The following SQOR variants were observed in gnomAD, a reference collection of about 807,000 sequenced individuals.
SQOR encodes sulfide quinone oxidoreductase.
In SQOR, 39 loss-of-function variants were observed where a neutral mutation model predicts 48.6. The observed-to-expected ratio is 0.80, with a 90% CI of 0.62 to 1.05. The LOEUF is 1.05. SQOR is among the 50% of genes least tolerant of loss of function. The pLI is 0.00. For missense variants in SQOR, 561 were observed against 559.9 expected, an observed-to-expected ratio of 1.00 and a Z score of -0.02; for synonymous variants, 220 against 206.2, an observed-to-expected ratio of 1.07 and a Z score of -0.57.
At chr15:45,662,389 T>C (rs1401146765) in intron 3 of SQOR, among the ~76,000 whole-genome samples, 1 of 152,198 alleles carries the variant, frequency 6.6e-6, no homozygotes, top group Non-Finnish European at 1.5e-5. Flanking sequence ...TAGTATACTA[T>C]CTTGCACCTG....
At chr15:45,661,882 C>T in intron 2 of SQOR, 73 bp from the exon 3 acceptor site, 1 of 1,453,262 alleles carries the variant, frequency 6.9e-7, no homozygotes, top group South Asian at 1.3e-5. Flanking sequence ...AAGAATCTAG[C>T]CCATACTGTT....
chr15:45,666,191 A>T (rs1326884595), intron 3 of SQOR, among the ~76,000 whole-genome samples: 1 of 152,252 alleles, frequency 6.6e-6, no homozygotes, highest in African/African-American at 2.4e-5. Context: ...ACTGCTACTC[A>T]TCTTTAGCTT....
At chr15:45,669,398 A>C (rs1889897793) in intron 3 of SQOR, among the ~76,000 whole-genome samples, 1 of 152,188 alleles carries the variant, frequency 6.6e-6, no homozygotes, top group South Asian at 2.1e-4. Flanking sequence ...TCCTGAGCTC[A>C]AGTGATCCAC....
intron 1 of SQOR, among the ~76,000 whole-genome samples, chr15:45,646,806 A>G (rs1451923655): frequency 6.6e-6 from 1 of 151,768 alleles, no homozygotes; most frequent in Non-Finnish European, 1.5e-5. Context: ...TTTCATCTAC[A>G]CCCCTACCCA....
At chr15:45,655,348 GA>G (rs1889581465) in intron 1 of SQOR, among the ~76,000 whole-genome samples, 1 of 152,118 alleles carries the variant, frequency 6.6e-6, no homozygotes, top group Non-Finnish European at 1.5e-5. Context: ...TTCTTTTCTG[GA>G]AAGTGAGAAG....
intron 6 of SQOR, 89 bp from the exon 7 acceptor site, chr15:45,682,389 G>A (rs1890138809): frequency 7.3e-7 from 1 of 1,379,198 alleles, no homozygotes; most frequent in Non-Finnish European, 1.0e-6. Context: ...CCATAGCACA[G>A]TGTATAGAGT....
chr15:45,669,681 G>A (rs142279866), intron 3 of SQOR, among the ~76,000 whole-genome samples: 2 of 152,282 alleles, frequency 1.3e-5, no homozygotes, highest in African/African-American at 4.8e-5. Context: ...GGCATGATGG[G>A]AGTGGACACG....
At chr15:45,688,259 A>G (rs1227448183) in intron 7 of SQOR, 78 bp from the exon 8 acceptor site, 1 of 1,015,174 alleles carries the variant, frequency 9.9e-7, no homozygotes, top group South Asian at 1.4e-5. Context: ...TCTTGTTTAC[A>G]TTAAAGTTAT....
At chr15:45,676,973 G>A (rs146835642) in intron 6 of SQOR, among the ~76,000 whole-genome samples, 3,498 of 151,868 alleles carry the variant, frequency 0.023, 60 homozygotes, top group Non-Finnish European at 0.034. Context: ...CCCAGAAGGC[G>A]GAGGCTGCAG....
At chr15:45,659,516 T>C (rs1595576541) in intron 2 of SQOR, among the ~76,000 whole-genome samples, 1 of 152,176 alleles carries the variant, frequency 6.6e-6, no homozygotes, top group South Asian at 2.1e-4. Context: ...ATGCTCCCTC[T>C]GCAGCCTGGG....
chr15:45,667,881 C>A (rs942823241), intron 3 of SQOR, among the ~76,000 whole-genome samples: 23 of 151,846 alleles, frequency 1.5e-4, no homozygotes, highest in African/African-American at 5.6e-4. Context: ...GGGCCTGGTG[C>A]CCTTTCCTAC....
chr15:45,664,223 A>C (rs1889772126), intron 3 of SQOR, among the ~76,000 whole-genome samples: 1 of 152,160 alleles, frequency 6.6e-6, no homozygotes, highest in Non-Finnish European at 1.5e-5. Flanking sequence ...CTGAGCCAGA[A>C]TCCACCTTCC....
At chr15:45,643,695 G>A (rs891422773) in intron 1 of SQOR, among the ~76,000 whole-genome samples, 4 of 152,182 alleles carry the variant, frequency 2.6e-5, no homozygotes, top group Non-Finnish European at 5.9e-5. Flanking sequence ...CTTAGCCCCT[G>A]TGTGATTGAG....
chr15:45,655,810 A>G (rs1464518952), intron 1 of SQOR, among the ~76,000 whole-genome samples: 4 of 151,288 alleles, frequency 2.6e-5, no homozygotes, highest in African/African-American at 9.7e-5. Flanking sequence ...CAGCCTCCCC[A>G]GTAGCTGGGA....
intron 1 of SQOR, among the ~76,000 whole-genome samples, chr15:45,635,809 G>C (rs543955856): frequency 1.3e-5 from 2 of 151,748 alleles, no homozygotes; most frequent in Non-Finnish European, 2.9e-5. Context: ...CACCCCTTTG[G>C]CATTTCTGGG....
chr15:45,658,856 C>A, intron 1 of SQOR, 51 bp from the exon 2 acceptor site: 1 of 1,357,430 alleles, frequency 7.4e-7, no homozygotes, highest in Non-Finnish European at 9.7e-7. Flanking sequence ...ACGCTTCAGT[C>A]CCACGATGGT....
At chr15:45,631,368 T>C (rs1894896650), upstream of SQOR, 1 of 152,378 alleles carries the variant, frequency 6.6e-6, no homozygotes, top group Non-Finnish European at 1.5e-5. Flanking sequence ...TGAAACACCA[T>C]GTGATGCTTG....
intron 1 of SQOR, among the ~76,000 whole-genome samples, chr15:45,653,677 C>T (rs1295158581): frequency 6.6e-6 from 1 of 152,112 alleles, no homozygotes; most frequent in Non-Finnish European, 1.5e-5. Flanking sequence ...CTCCTGAAGC[C>T]ATCTAGGGAT....
At chr15:45,635,553 A>AG (rs1227631954) in intron 1 of SQOR, among the ~76,000 whole-genome samples, 2 of 152,068 alleles carry the variant, frequency 1.3e-5, no homozygotes, top group African/African-American at 2.4e-5. Context: ...GGGGCGCTCG[A>AG]GGGGTCGGCT....
Sources: allele counts gnomAD v4.1 joint callset (sites outside exome capture counted in the v4.1 genomes callset), GRCh38; gene constraint gnomAD v4.1.1; transcripts MANE v1.5; gene names NCBI Gene and HGNC (gene_info 2026-07-23, HGNC 2026-07-21).